The following ITPR1 variants were observed in gnomAD, a reference collection of about 807,000 sequenced individuals.
The protein encoded by ITPR1 is inositol 1,4,5-trisphosphate receptor type 1, also known as inositol 1,4,5-trisphosphate-gated calcium channel ITPR1.
In ITPR1, 96 loss-of-function variants were observed where a neutral mutation model predicts 318.4. The observed-to-expected ratio is 0.30, with a 90% CI of 0.26 to 0.36. The LOEUF (loss-of-function observed/expected upper bound fraction) is 0.36, where lower values mean the gene tolerates loss of function less well. Among genes scored for constraint, ITPR1 ranks in the 10% least tolerant of loss-of-function variants. The pLI, the probability that ITPR1 is intolerant of heterozygous loss-of-function variation, is 1.00. For missense variants in ITPR1, 2,440 were observed against 3,460.2 expected, an observed-to-expected ratio of 0.71 and a Z score of 7.40; for synonymous variants, 1,312 against 1,289.9, an observed-to-expected ratio of 1.02 and a Z score of -0.37.
chr3:4,789,257 G>A (rs982540248), intron 52 of ITPR1, among the ~76,000 whole-genome samples: 25 of 152,340 alleles, frequency 1.6e-4, no homozygotes, highest in Non-Finnish European at 3.1e-4. Context: ...GGGGCCAGGG[G>A]ACCATTAGCA....
At chr3:4,635,559 A>G (rs966337432) in intron 5 of ITPR1, among the ~76,000 whole-genome samples, 3 of 151,362 alleles carry the variant, frequency 2.0e-5, no homozygotes, top group Non-Finnish European at 2.9e-5. Flanking sequence ...GTTAGCCAGG[A>G]TGGTCTCGAT....
chr3:4,526,134 A>G (rs552330106), intron 4 of ITPR1, among the ~76,000 whole-genome samples: 1 of 152,334 alleles, frequency 6.6e-6, no homozygotes, highest in South Asian at 2.1e-4. Flanking sequence ...CAAATTCTTG[A>G]TGTTGGACAG....
intron 4 of ITPR1, among the ~76,000 whole-genome samples, chr3:4,534,201 G>A (rs141091869): frequency 3.7e-3 from 569 of 152,266 alleles, no homozygotes; most frequent in African/African-American, 0.012. Flanking sequence ...GTCTTTTAGT[G>A]TACCCATGGC....
chr3:4,495,076 C>G (rs568512341), intron 2 of ITPR1, among the ~76,000 whole-genome samples: 1 of 152,226 alleles, frequency 6.6e-6, no homozygotes, highest in South Asian at 2.1e-4. Context: ...CTGGCAGGTC[C>G]CTGTTGTTTT....
intron 4 of ITPR1, among the ~76,000 whole-genome samples, chr3:4,533,525 A>G (rs2083591298): frequency 6.6e-6 from 1 of 152,260 alleles, no homozygotes; most frequent in African/African-American, 2.4e-5. Flanking sequence ...ATACAGCCTC[A>G]GCACTCAGTG....
chr3:4,732,470 A>G (rs1261049930), intron 42 of ITPR1, among the ~76,000 whole-genome samples: 1 of 82,326 alleles, frequency 1.2e-5, no homozygotes, highest in Non-Finnish European at 2.8e-5. Context: ...ACAAAATGCC[A>G]TTTTACCTAT....
chr3:4,746,695 T>C (rs764505315), intron 44 of ITPR1, among the ~76,000 whole-genome samples: 18 of 152,228 alleles, frequency 1.2e-4, no homozygotes, highest in South Asian at 2.1e-4. Flanking sequence ...AGGTCCTCAG[T>C]GTGTACATGA....
At chr3:4,612,703 G>A (rs997809849) in intron 4 of ITPR1, among the ~76,000 whole-genome samples, 2 of 151,888 alleles carry the variant, frequency 1.3e-5, no homozygotes, top group South Asian at 2.1e-4. Flanking sequence ...CCTGGCCAAC[G>A]TGGCGAACCC....
At chr3:4,806,417 A>G in intron 55 of ITPR1, 150 bp downstream of exon 55, 1 of 770,970 alleles carries the variant, frequency 1.3e-6, no homozygotes, top group Non-Finnish European at 2.1e-6. Context: ...CCTTTGGGGG[A>G]TCTGAGAGGA....
chr3:4,674,499 AAAT>A (rs1366258754), intron 22 of ITPR1, among the ~76,000 whole-genome samples, 156 bp downstream of exon 22: 1 of 152,204 alleles, frequency 6.6e-6, no homozygotes, highest in Admixed American at 6.5e-5. Flanking sequence ...TTCCAGAATA[AAAT>A]AAAACGGATA....
chr3:4,583,592 A>G (rs774450579), intron 4 of ITPR1, among the ~76,000 whole-genome samples: 37 of 152,218 alleles, frequency 2.4e-4, no homozygotes, highest in Non-Finnish European at 3.4e-4. Flanking sequence ...CCAGCTGGCT[A>G]GTTTTAGGAA....
intron 44 of ITPR1, among the ~76,000 whole-genome samples, chr3:4,763,825 G>T (rs1039315456): frequency 2.0e-5 from 3 of 152,244 alleles, no homozygotes; most frequent in Non-Finnish European, 4.4e-5. Flanking sequence ...CCGATTGGCC[G>T]TCAGACAGCG....
intron 18 of ITPR1, among the ~76,000 whole-genome samples, 173 bp downstream of exon 18, chr3:4,667,722 T>G (rs898518224): frequency 3.9e-5 from 6 of 152,154 alleles, no homozygotes; most frequent in Non-Finnish European, 7.4e-5. Context: ...AAATGAGACC[T>G]GGGGGTGCAT....
chr3:4,541,086 C>T (rs375142750), intron 4 of ITPR1, among the ~76,000 whole-genome samples: 98 of 152,122 alleles, frequency 6.4e-4, no homozygotes, highest in African/African-American at 2.3e-3. Context: ...CTCCTGTCAT[C>T]CTCTCTCAGT....
intron 4 of ITPR1, among the ~76,000 whole-genome samples, chr3:4,522,620 A>G (rs1353852605): frequency 6.6e-6 from 1 of 152,178 alleles, no homozygotes; most frequent in African/African-American, 2.4e-5. Flanking sequence ...TTTCTTCTCA[A>G]TCCTTCTTTC....
At chr3:4,541,864 T>A (rs1575469064) in intron 4 of ITPR1, among the ~76,000 whole-genome samples, 2 of 152,148 alleles carry the variant, frequency 1.3e-5, no homozygotes, top group South Asian at 4.2e-4. Flanking sequence ...GACCTGATGA[T>A]ACACCCACCT....
intron 4 of ITPR1, among the ~76,000 whole-genome samples, chr3:4,549,767 G>C (rs1039596425): frequency 1.3e-5 from 2 of 152,150 alleles, no homozygotes; most frequent in African/African-American, 4.8e-5. Context: ...GTGCTGAGAA[G>C]TAAGAAATTG....
At chr3:4,637,861 A>C (rs1256406646) in intron 5 of ITPR1, among the ~76,000 whole-genome samples, 2 of 152,228 alleles carry the variant, frequency 1.3e-5, no homozygotes, top group East Asian at 3.8e-4. Context: ...GACCTAGCCA[A>C]CTTAGGTCAC....
intron 2 of ITPR1, among the ~76,000 whole-genome samples, chr3:4,501,491 C>T (rs1195875043): frequency 6.6e-6 from 1 of 152,226 alleles, no homozygotes; most frequent in African/African-American, 2.4e-5. Flanking sequence ...TCAAGTGATT[C>T]ACACACACGT....
Sources: gnomAD v4.1 joint callset for allele counts (sites outside exome capture counted in the v4.1 genomes callset) on GRCh38, gnomAD v4.1.1 for gene constraint, MANE v1.5 for transcripts, NCBI Gene and HGNC (gene_info 2026-07-23, HGNC 2026-07-21) for gene names.